The following JAM2 variants were observed in gnomAD, a reference collection of about 807,000 sequenced individuals.
JAM2 encodes junctional adhesion molecule B.
In JAM2, 17 loss-of-function variants were observed where a neutral mutation model predicts 42.0. The ratio of observed to expected loss-of-function variants is 0.40; its 90% CI spans 0.28 to 0.61. JAM2 has a LOEUF of 0.61. Among genes scored for constraint, JAM2 ranks in the 20% least tolerant of loss-of-function variants. JAM2 has a pLI of 0.37. For synonymous variants in JAM2, 118 were observed against 128.6 expected (o/e 0.92, Z 0.56); for missense variants, 319 against 358.3 (o/e 0.89, Z 0.89).
At chr21:25,695,391 A>G (rs1349210649) in intron 4 of JAM2, among the ~76,000 whole-genome samples, 1 of 152,252 alleles carries the variant, frequency 6.6e-6, no homozygotes, top group Non-Finnish European at 1.5e-5. Flanking sequence ...ACACAGACAC[A>G]GCAACAATCT....
intron 1 of JAM2, among the ~76,000 whole-genome samples, chr21:25,659,695 TA>T (rs948595492): frequency 5.3e-5 from 8 of 152,234 alleles, no homozygotes; most frequent in Non-Finnish European, 1.2e-4. Flanking sequence ...CAAAGATTTT[TA>T]TTAGAGATTT....
chr21:25,640,313 G>T (rs1402659265), intron 1 of JAM2, among the ~76,000 whole-genome samples: 1 of 152,204 alleles, frequency 6.6e-6, no homozygotes, highest in Non-Finnish European at 1.5e-5. Flanking sequence ...CGGGGAGGGG[G>T]CAGCGTCCGC....
At chr21:25,695,443 G>A (rs1601047508) in intron 4 of JAM2, among the ~76,000 whole-genome samples, 1 of 152,066 alleles carries the variant, frequency 6.6e-6, no homozygotes, top group South Asian at 2.1e-4. Flanking sequence ...TTTTCTATTC[G>A]ACAAAACCGC....
At chr21:25,651,694 T>C (rs2032786180) in intron 1 of JAM2, among the ~76,000 whole-genome samples, 3 of 152,378 alleles carry the variant, frequency 2.0e-5, no homozygotes, top group Middle Eastern at 3.4e-3. Flanking sequence ...TTATGCATTG[T>C]ATTATTTATT....
chr21:25,674,357 T>C (rs1315613966), intron 1 of JAM2, among the ~76,000 whole-genome samples: 1 of 152,104 alleles, frequency 6.6e-6, no homozygotes, highest in African/African-American at 2.4e-5. Context: ...ATCGTGCTAC[T>C]ACACTCTACC....
intron 1 of JAM2, among the ~76,000 whole-genome samples, chr21:25,650,596 G>A (rs1600992079): frequency 6.6e-6 from 1 of 152,226 alleles, no homozygotes; most frequent in Non-Finnish European, 1.5e-5. Flanking sequence ...GTCCTGACGT[G>A]TGTTTTAATA....
rs558356643 is a variant in JAM2 at position 25,700,056 on chromosome 21, T to C, written c.597+1177T>C. On this transcript the variant is annotated intron_variant, in intron 5 of 9. Transcript: ENST00000480456. ...TACTTTAGAGTCCAGATATTCTGTTTCCTCCAGTAAAATATTCTTATTGAA... is the reference window on the plus strand; with the variant it reads ...TACTTTAGAGTCCAGATATTCTGTTCCCTCCAGTAAAATATTCTTATTGAA... Among the ~76,000 whole-genome samples the C allele has an allele frequency of 2.9e-3, 449 of 152,286 alleles. 1 individual carries two copies. The highest frequency in any genetic ancestry group is 0.014 in the Middle Eastern group (4 of 294).
chr21:25,712,455 T>C (rs1259145752), intron 9 of JAM2, 73 bp downstream of exon 9: 4 of 1,075,542 alleles, frequency 3.7e-6, no homozygotes, highest in East Asian at 4.8e-5. Context: ...AGTAATTATA[T>C]GGACTTTGTG....
At chr21:25,681,118 T>C (rs1156892071) in intron 1 of JAM2, among the ~76,000 whole-genome samples, 1 of 152,236 alleles carries the variant, frequency 6.6e-6, no homozygotes, top group Non-Finnish European at 1.5e-5. Context: ...AAATATATAG[T>C]CGAGAAATAA....
intron 1 of JAM2, among the ~76,000 whole-genome samples, chr21:25,668,639 G>A (rs2033281231): frequency 6.6e-6 from 1 of 152,234 alleles, no homozygotes; most frequent in South Asian, 2.1e-4. Flanking sequence ...TTTGGATGTA[G>A]AGTTTGAAAT....
At chr21:25,674,569 C>T (rs1196370864) in intron 1 of JAM2, among the ~76,000 whole-genome samples, 2 of 152,062 alleles carry the variant, frequency 1.3e-5, no homozygotes, top group Non-Finnish European at 2.9e-5. Flanking sequence ...TCCTTAAATT[C>T]CTAAGATGAT....
intron 4 of JAM2, among the ~76,000 whole-genome samples, chr21:25,697,006 T>A (rs7278147): frequency 6.8e-6 from 1 of 147,112 alleles, no homozygotes; most frequent in South Asian, 2.2e-4. Context: ...GGCACACACC[T>A]ATTTTTTTTT....
chr21:25,680,772 A>G (rs938473923), intron 1 of JAM2, among the ~76,000 whole-genome samples: 3 of 106,068 alleles, frequency 2.8e-5, no homozygotes, highest in African/African-American at 1.2e-4. Context: ...CAGTTTCTGG[A>G]TGGATGGATG....
chr21:25,690,296 C>A (rs1568909445), intron 3 of JAM2, among the ~76,000 whole-genome samples: 1 of 148,524 alleles, frequency 6.7e-6, no homozygotes, highest in African/African-American at 2.4e-5. Context: ...CTCTTTATTT[C>A]TTTCTTTCTC....
Position 25,701,814 on chromosome 21 carries a change from T to C in JAM2, c.598-356T>C, listed in dbSNP as rs192178536. On this transcript the variant is annotated intron_variant, in intron 5 of 9. Transcript: ENST00000480456. ...TTACCAGGGAGGCCTGCCCTTCATT[T>C]ATAAATGATGTTTCCTAGGAATTAG... Among the ~76,000 whole-genome samples, 27 of 152,302 alleles carry C rather than the reference T, an allele frequency of 1.8e-4. No homozygotes were observed. The East Asian group carries it at 5.0e-3, about 28-fold the overall frequency.
chr21:25,648,803 G>A (rs559922576), intron 1 of JAM2, among the ~76,000 whole-genome samples: 3 of 152,206 alleles, frequency 2.0e-5, no homozygotes, highest in Non-Finnish European at 4.4e-5. Flanking sequence ...ACATCTTTAG[G>A]TCGTTGGTAC....
chr21:25,691,359 A>G (rs1366868407), intron 3 of JAM2, among the ~76,000 whole-genome samples: 1 of 152,152 alleles, frequency 6.6e-6, no homozygotes, highest in African/African-American at 2.4e-5. Flanking sequence ...TTTATGCAAC[A>G]CTATTTATTT....
intron 4 of JAM2, among the ~76,000 whole-genome samples, chr21:25,695,512 C>T (rs974588174): frequency 3.1e-4 from 47 of 152,126 alleles, no homozygotes; most frequent in African/African-American, 1.1e-3. Context: ...GACGGGGCGG[C>T]CGCGGGGCAG....
chr21:25,674,560 C>A (rs2033438929), intron 1 of JAM2, among the ~76,000 whole-genome samples: 1 of 152,022 alleles, frequency 6.6e-6, no homozygotes. Context: ...TGAAAATTAT[C>A]CTTAAATTCC....
Sources: gnomAD v4.1 joint callset for allele counts (sites outside exome capture counted in the v4.1 genomes callset) on GRCh38, gnomAD v4.1.1 for gene constraint, MANE v1.5 for transcripts, NCBI Gene and HGNC (gene_info 2026-07-23, HGNC 2026-07-21) for gene names.